The following TGM4 variants were observed in gnomAD, a reference collection of about 807,000 sequenced individuals.
The protein encoded by TGM4 is protein-glutamine gamma-glutamyltransferase 4.
In TGM4, 61 loss-of-function variants were observed where a neutral mutation model predicts 76.3. The observed-to-expected ratio is 0.80, with a 90% CI of 0.65 to 0.99. The LOEUF is 0.99. Ranked by LOEUF, TGM4 falls within the 50% of genes least tolerant of loss-of-function variation. TGM4 has a pLI of 0.00. For missense variants in TGM4, 794 were observed against 843.2 expected (o/e 0.94, Z 0.72); for synonymous variants, 337 against 329.8 (o/e 1.02, Z -0.24).
chr3:44,913,420 GCA>G (rs972047684), intron 13 of TGM4, among the ~76,000 whole-genome samples, 162 bp from the exon 14 acceptor site: 1 of 152,182 alleles, frequency 6.6e-6, no homozygotes, highest in Non-Finnish European at 1.5e-5. Flanking sequence ...ACTGATAGCA[GCA>G]CCCAGGGTGC....
chr3:44,875,442 T>A (rs776164573), intron 1 of TGM4, among the ~76,000 whole-genome samples: 3 of 152,212 alleles, frequency 2.0e-5, no homozygotes, highest in Non-Finnish European at 4.4e-5. Flanking sequence ...TGTCTGCTGC[T>A]GTCAGCAGTG....
intron 5 of TGM4, among the ~76,000 whole-genome samples, chr3:44,896,290 T>A (rs962935260): frequency 2.4e-4 from 37 of 152,254 alleles, no homozygotes; most frequent in South Asian, 4.1e-4. Flanking sequence ...TTTGTATTTT[T>A]AGTAGAGACA....
chr3:44,909,286 T>A (rs541494405), intron 10 of TGM4, among the ~76,000 whole-genome samples: 2 of 152,344 alleles, frequency 1.3e-5, no homozygotes, highest in African/African-American at 4.8e-5. Context: ...TCAGACCTTC[T>A]AGATTTCCAG....
intron 2 of TGM4, 63 bp from the exon 3 acceptor site, chr3:44,887,626 C>T (rs1699626253): frequency 2.0e-6 from 3 of 1,520,566 alleles, no homozygotes; most frequent in Non-Finnish European, 2.7e-6. Flanking sequence ...GGGCCCGAAC[C>T]AGAGGAGATT....
At chr3:44,891,937 T>C (rs1175426545) in intron 4 of TGM4, among the ~76,000 whole-genome samples, 2 of 141,962 alleles carry the variant, frequency 1.4e-5, no homozygotes, top group East Asian at 4.2e-4. Flanking sequence ...ATTGCACCAC[T>C]GCACTCCAGC....
At chr3:44,882,057 C>CTTTTTTTT (rs60542332) in intron 1 of TGM4, among the ~76,000 whole-genome samples, 10 of 104,640 alleles carry the variant, frequency 9.6e-5, no homozygotes, top group South Asian at 3.7e-4. Context: ...AATACAAACG[C>CTTTTTTTT]TTTTTTTTTT....
chr3:44,914,041 T>C lies in TGM4; in HGVS notation c.*316T>C. 1 of 258,790 alleles carries C rather than the reference T, an allele frequency of 3.9e-6. No homozygotes were observed. The highest frequency in any genetic ancestry group is 8.8e-5 in the East Asian group (1 of 11,304). The allele number at this position is 258,790 out of a possible 1,614,324, so 16.0% of individuals were successfully genotyped here. A position where few individuals can be genotyped will look rare whatever the true frequency, so the allele number is the denominator to read the frequency against. Reference sequence around the variant, plus strand: ...CCATAGATTTCGAAGCCACAGAGTCTCTCCCTGGAGCAGCAGACTATGGGC... The same window carrying C: ...CCATAGATTTCGAAGCCACAGAGTCCCTCCCTGGAGCAGCAGACTATGGGC... On this transcript the variant is annotated 3_prime_UTR_variant, in exon 14 of 14. Coordinates refer to ENST00000296125, the MANE Select transcript of TGM4 (RefSeq NM_003241.4).
At chr3:44,886,352 A>C (rs1699607708) in intron 2 of TGM4, among the ~76,000 whole-genome samples, 1 of 152,210 alleles carries the variant, frequency 6.6e-6, no homozygotes, top group East Asian at 1.9e-4. Flanking sequence ...AAAAAAAATT[A>C]GATCAGGTAG....
chr3:44,882,963 G>A (rs1699553532), intron 1 of TGM4, among the ~76,000 whole-genome samples: 1 of 152,232 alleles, frequency 6.6e-6, no homozygotes, highest in African/African-American at 2.4e-5. Context: ...AGCTTCCACA[G>A]AGATGACTGC....
chr3:44,893,473 C>T, intron 4 of TGM4, 104 bp from the exon 5 acceptor site: 1 of 999,654 alleles, frequency 1.0e-6, no homozygotes, highest in Non-Finnish European at 1.6e-6. Context: ...CCAAGCCCCT[C>T]ACAAAGACCT....
chr3:44,901,990 T>C, intron 8 of TGM4, 59 bp downstream of exon 8: 1 of 1,579,694 alleles, frequency 6.3e-7, no homozygotes, highest in Non-Finnish European at 8.6e-7. Flanking sequence ...TTCTTTTTTC[T>C]TTTTAGAAAC....
rs376751363 is a variant in TGM4 at position 44,896,723 on chromosome 3, C to T, written c.564C>T (p.Val188=). 122 of 1,613,994 alleles carry T rather than the reference C, an allele frequency of 7.6e-5. No homozygotes were observed. Among genetic ancestry groups the T allele is most frequent in the Non-Finnish European group, 9.4e-5 (111 of 1,180,024 alleles). Reference sequence around the variant, plus strand: ...TCCCAAAATAGTTTGAGAAAAATGTCCTGGACTGCTGCATTTCCCTGCTGA... The same window carrying T: ...TCCCAAAATAGTTTGAGAAAAATGTTCTGGACTGCTGCATTTCCCTGCTGA... The part of the protein sequence containing the change: ...PWNFGQFEKN[V]LDCCISLLTE... The change falls in exon 6 of 14, where the codon GTC becomes GTT. Residue 188 remains valine (V), a synonymous_variant. Transcript: ENST00000296125.
In TGM4 at chr3:44,913,708, G is replaced by T. The variant is rs1208887416; in HGVS notation, c.2038G>T (p.Val680Phe). 1 of 1,613,708 alleles carries T rather than the reference G, an allele frequency of 6.2e-7. No individual in the cohort carries two copies. The highest frequency in any genetic ancestry group is 8.5e-7 in the Non-Finnish European group (1 of 1,179,888). The change falls in exon 14 of 14, where the codon GTT becomes TTT. Residue 680 changes from valine (V) to phenylalanine (F), a missense_variant. Coordinates refer to ENST00000296125, the MANE Select transcript of TGM4 (RefSeq NM_003241.4). ...GAAAGAGATTAATGCTCAGAAGATT[G>T]TTCTCATCACCAAGTAGCCTTGTCT... ...QVKEINAQKI[V>F]LITK
At chr3:44,904,673 T>A (rs1699899521) in intron 9 of TGM4, among the ~76,000 whole-genome samples, 1 of 152,198 alleles carries the variant, frequency 6.6e-6, no homozygotes, top group African/African-American at 2.4e-5. Flanking sequence ...AATTCTCAAA[T>A]TTTAAAAAAT....
intron 1 of TGM4, among the ~76,000 whole-genome samples, chr3:44,881,805 T>C (rs1699536524): frequency 6.6e-6 from 1 of 152,238 alleles, no homozygotes; most frequent in Admixed American, 6.5e-5. Context: ...TCTCCTTTTT[T>C]CCAGAGGCTT....
At chr3:44,874,787 C>G in intron 1 of TGM4, 90 bp downstream of exon 1, 1 of 1,514,388 alleles carries the variant, frequency 6.6e-7, no homozygotes, top group South Asian at 1.2e-5. Context: ...GTGCCTGGGG[C>G]CATTGCCCTC....
chr3:44,883,079 G>A (rs1297988677), intron 1 of TGM4, among the ~76,000 whole-genome samples: 1 of 152,212 alleles, frequency 6.6e-6, no homozygotes, highest in Non-Finnish European at 1.5e-5. Flanking sequence ...GTCCATGGGG[G>A]AGCAGGAATA....
intron 5 of TGM4, among the ~76,000 whole-genome samples, chr3:44,894,044 C>T: frequency 1.3e-5 from 1 of 76,058 alleles, no homozygotes; most frequent in South Asian, 6.0e-4. Flanking sequence ...GACTCTCTCC[C>T]CACCATGGCT....
intron 1 of TGM4, among the ~76,000 whole-genome samples, chr3:44,875,967 T>C (rs1699446713): frequency 6.6e-6 from 1 of 152,216 alleles, no homozygotes; most frequent in Non-Finnish European, 1.5e-5. Flanking sequence ...AGAAGATTCA[T>C]GTCTAAATAG....
Sources: gnomAD v4.1 joint callset for allele counts (sites outside exome capture counted in the v4.1 genomes callset) on GRCh38, gnomAD v4.1.1 for gene constraint, MANE v1.5 for transcripts, NCBI Gene and HGNC (gene_info 2026-07-23, HGNC 2026-07-21) for gene names.